The following SHISA9 variants were observed in gnomAD, a reference collection of about 807,000 sequenced individuals.
SHISA9 encodes the protein protein shisa-9.
SHISA9 carries 13 observed loss-of-function variants against 38.0 expected under a neutral mutation model. The ratio of observed to expected loss-of-function variants is 0.34; its 90% CI spans 0.22 to 0.54. The LOEUF is 0.54. Ranked by LOEUF, SHISA9 falls within the 20% of genes least tolerant of loss-of-function variation. The pLI is 0.91. For missense variants in SHISA9, 538 were observed against 575.8 expected, an observed-to-expected ratio of 0.93 and a Z score of 0.67; for synonymous variants, 275 against 242.0, an observed-to-expected ratio of 1.14 and a Z score of -1.27.
chr16:13,361,617 A>C, the SHISA9 span, among the ~76,000 whole-genome samples: 1 of 152,228 alleles, frequency 6.6e-6, no homozygotes, highest in African/African-American at 2.4e-5. Flanking sequence ...GAGTGAGTTC[A>C]TGGGGACTAA....
At chr16:12,983,616 G>A (rs2072269338) in intron 2 of SHISA9, among the ~76,000 whole-genome samples, 1 of 152,160 alleles carries the variant, frequency 6.6e-6, no homozygotes, top group Admixed American at 6.5e-5. Context: ...AACCTCCCAA[G>A]TAGCTGGGAC....
rs568545803 is a variant in SHISA9, at chr16:13,208,980, C to T, written c.848-4273C>T. 4.6e-5 allele frequency among the ~76,000 whole-genome samples: 7 copies of T among 152,320 alleles called. No individual in the cohort carries two copies. In the East Asian group the frequency reaches 1.4e-3, roughly 29 times the overall value. On this transcript the variant is annotated intron_variant, in intron 3 of 4. Transcript: ENST00000558583. ...AGGATAGCAGAATATAGCACAGCCTCTGGAATTTGTCAGGGCTGAGTTTAA... is the reference window on the plus strand; with the variant it reads ...AGGATAGCAGAATATAGCACAGCCTTTGGAATTTGTCAGGGCTGAGTTTAA...
At chr16:13,196,333 C>T (rs1373957462) in intron 2 of SHISA9, among the ~76,000 whole-genome samples, 2 of 140,740 alleles carry the variant, frequency 1.4e-5, no homozygotes, top group Admixed American at 7.6e-5. Flanking sequence ...GGAGGCGGAG[C>T]TTGCAGTGAG....
chr16:13,037,109 GACACACAC>G (rs1207707042), intron 2 of SHISA9, among the ~76,000 whole-genome samples: 8,175 of 105,214 alleles, frequency 0.078, 376 homozygotes, highest in African/African-American at 0.14. Context: ...CACACACACA[GACACACAC>G]ACACACACAC....
At chr16:13,404,070 C>A in the SHISA9 span, among the ~76,000 whole-genome samples, 2 of 152,140 alleles carry the variant, frequency 1.3e-5, no homozygotes, top group African/African-American at 2.4e-5. Context: ...CTCTGCTTAC[C>A]CTAAGCTCAT....
chr16:13,165,506 T>G (rs1228509338), intron 2 of SHISA9, among the ~76,000 whole-genome samples: 1 of 152,190 alleles, frequency 6.6e-6, no homozygotes, highest in African/African-American at 2.4e-5. Flanking sequence ...TAAATAGTAG[T>G]ATAGGTAGTG....
At chr16:13,548,265 GA>G in the SHISA9 span, among the ~76,000 whole-genome samples, 54,806 of 151,964 alleles carry the variant, frequency 0.36, 10,559 homozygotes, top group East Asian at 0.61. Context: ...ACTACTAAAA[GA>G]AAACATAGAA....
intron 2 of SHISA9, among the ~76,000 whole-genome samples, chr16:13,194,927 T>C (rs1013642582): frequency 2.0e-5 from 3 of 152,116 alleles, no homozygotes; most frequent in African/African-American, 7.2e-5. Flanking sequence ...TTACAGATAA[T>C]CGAGGGAGGA....
the SHISA9 span, among the ~76,000 whole-genome samples, chr16:13,440,024 G>C: frequency 2.0e-5 from 3 of 152,222 alleles, no homozygotes; most frequent in African/African-American, 7.2e-5. Flanking sequence ...AAGAGGACGT[G>C]CGTTCTGGGA....
the SHISA9 span, among the ~76,000 whole-genome samples, chr16:13,314,866 A>T: frequency 6.6e-6 from 1 of 152,214 alleles, no homozygotes; most frequent in Admixed American, 6.5e-5. Context: ...TAAATTTTCA[A>T]TTATGCAGGA....
At chr16:12,994,111 A>G (rs7202958) in intron 2 of SHISA9, among the ~76,000 whole-genome samples, 24,021 of 152,128 alleles carry the variant, frequency 0.16, 2,040 homozygotes, top group East Asian at 0.2. Flanking sequence ...GTCTTTCCTG[A>G]GTGAAATAGG....
chr16:13,360,417 G>A, the SHISA9 span, among the ~76,000 whole-genome samples: 1 of 152,144 alleles, frequency 6.6e-6, no homozygotes, highest in Non-Finnish European at 1.5e-5. Flanking sequence ...CCAGTGGGAG[G>A]CAATTGAATC....
chr16:13,400,606 A>G, the SHISA9 span, among the ~76,000 whole-genome samples: 2 of 152,202 alleles, frequency 1.3e-5, no homozygotes, highest in African/African-American at 4.8e-5. Flanking sequence ...GTGACATCAT[A>G]TCAAATCAGG....
chr16:13,433,122 T>TTA, the SHISA9 span, among the ~76,000 whole-genome samples: 111,317 of 151,080 alleles, frequency 0.74, 41,160 homozygotes, highest in Admixed American at 0.82. Context: ...AAAAAGACAA[T>TTA]AAATTGTGTT....
At chr16:13,262,282 A>G in the SHISA9 span, among the ~76,000 whole-genome samples, 2 of 152,194 alleles carry the variant, frequency 1.3e-5, no homozygotes, top group Non-Finnish European at 2.9e-5. Flanking sequence ...GCAGCTGAGC[A>G]CCTGTGCAGT....
intron 2 of SHISA9, among the ~76,000 whole-genome samples, chr16:12,947,744 A>G (rs2071705787): frequency 1.3e-5 from 2 of 152,040 alleles, no homozygotes; most frequent in South Asian, 2.1e-4. Flanking sequence ...GAAGGAAAGA[A>G]CTCCCTGCCC....
the SHISA9 span, among the ~76,000 whole-genome samples, chr16:13,335,330 G>C: frequency 6.6e-6 from 1 of 152,198 alleles, no homozygotes; most frequent in Non-Finnish European, 1.5e-5. Context: ...GAGGAAGAGA[G>C]AGATAGATGG....
chr16:13,039,748 A>G (rs1250602903), intron 2 of SHISA9, among the ~76,000 whole-genome samples: 2 of 152,156 alleles, frequency 1.3e-5, no homozygotes, highest in Admixed American at 6.5e-5. Flanking sequence ...TCTTTGTCAA[A>G]GACTGCCAAG....
Position 13,108,914 on chromosome 16 carries a change from C to T in SHISA9, c.692-94480C>T, listed in dbSNP as rs1596653121. 3.9e-5 allele frequency among the ~76,000 whole-genome samples: 6 copies of T among 152,266 alleles called. 1 individual carries two copies. In the South Asian group the frequency reaches 1.2e-3, roughly 32 times the overall value. On this transcript the variant is annotated intron_variant, in intron 2 of 4. Coordinates refer to ENST00000558583, the MANE Select transcript of SHISA9 (RefSeq NM_001145204.3). ...TGTAGTGTCCTGAGCTAAAACCTTC[C>T]AGAGCGTGCTGAGCAGCATCATGTG...
Sources: allele counts gnomAD v4.1 joint callset (sites outside exome capture counted in the v4.1 genomes callset), GRCh38; gene constraint gnomAD v4.1.1; transcripts MANE v1.5; gene names NCBI Gene and HGNC (gene_info 2026-07-23, HGNC 2026-07-21).